HACL1: variants seen among roughly 807,000 people sequenced by gnomAD.
HACL1 encodes 1600020H07Rik.
A neutral mutation model predicts 74.2 loss-of-function variants in HACL1; 64 were observed. That is an observed-to-expected ratio of 0.86 (90% CI 0.70 to 1.06). The LOEUF is 1.06. Among genes scored for constraint, HACL1 ranks in the 50% least tolerant of loss-of-function variants. The pLI, the probability that HACL1 is intolerant of heterozygous loss-of-function variation, is 0.00. For synonymous variants in HACL1, 230 were observed against 238.8 expected (o/e 0.96, Z 0.34); for missense variants, 728 against 719.7 (o/e 1.01, Z -0.13).
intron 14 of HACL1, among the ~76,000 whole-genome samples, chr3:15,565,024 G>T (rs533789036): frequency 6.6e-6 from 1 of 152,202 alleles, no homozygotes; most frequent in South Asian, 2.1e-4. Context: ...AATTAGCTGT[G>T]CATGGTGGCA....
intron 11 of HACL1, among the ~76,000 whole-genome samples, chr3:15,572,303 T>C (rs1234267526): frequency 6.6e-6 from 1 of 152,160 alleles, no homozygotes. Flanking sequence ...GTTTGGTCAG[T>C]GTGGGTGTCT....
At position 15,573,170 on chromosome 3, in the gene HACL1, C is replaced by T. The variant is rs771481295; in HGVS notation, c.982G>A (p.Val328Ile). Reference protein sequence around the residue: ...AVTLLGNIHAVTKQLLEELDK... With the variant: ...AVTLLGNIHAITKQLLEELDK... ...ACAAAAGTTCTCACCTGCTTAGTGA[C>T]AGCATGTATGTTTCCTAGCAAAGTA... is the stretch of plus-strand genomic sequence containing the variant. Residue 328 changes from valine to isoleucine, a missense_variant, in exon 11 of 17, where the codon GTC becomes ATC. By Grantham distance (29) the Val-to-Ile change is conservative. Coordinates refer to ENST00000321169, the MANE Select transcript of HACL1 (RefSeq NM_012260.4). The T allele has an allele frequency of 2.5e-6, 4 of 1,593,344 alleles. No individual in the cohort carries two copies. The African/African-American group carries it at 4.0e-5, about 16-fold the overall frequency.
At chr3:15,584,156 A>G (rs1420439734) in intron 7 of HACL1, among the ~76,000 whole-genome samples, 1 of 152,224 alleles carries the variant, frequency 6.6e-6, no homozygotes, top group Non-Finnish European at 1.5e-5. Flanking sequence ...AAAAAGGACA[A>G]TCTGTATAAA....
chr3:15,595,393 T>C (rs2064037813), intron 3 of HACL1, among the ~76,000 whole-genome samples: 1 of 152,150 alleles, frequency 6.6e-6, no homozygotes, highest in African/African-American at 2.4e-5. Context: ...AGAATCTTAT[T>C]AGTTTGCATT....
In HACL1 at chr3:15,560,738, G is replaced by A; in HGVS notation, c.*127C>T. 8.3e-6 allele frequency: 6 copies of A among 720,352 alleles called. No individual in the cohort carries two copies. Among genetic ancestry groups the A allele is most frequent in the South Asian group, 8.2e-5 (5 of 60,950 alleles). 44.6% of individuals were successfully genotyped at this position (720,352 alleles called of 1,614,324 possible). On this transcript the variant is annotated 3_prime_UTR_variant, in exon 17 of 17. Transcript: ENST00000321169. ...TCTGTTTTTAATCAATTCCTTTACT[G>A]TAAAATGTCATTTTAAATGTTTATT... is the stretch of plus-strand genomic sequence containing the variant.
intron 9 of HACL1, among the ~76,000 whole-genome samples, chr3:15,578,990 A>C (rs2063675581): frequency 6.6e-6 from 1 of 152,236 alleles, no homozygotes; most frequent in Non-Finnish European, 1.5e-5. Flanking sequence ...CCTGAGCTGG[A>C]CATGTGCAGA....
intron 16 of HACL1, 109 bp downstream of exon 16, chr3:15,563,249 A>G (rs2063375130): frequency 1.4e-6 from 1 of 712,086 alleles, no homozygotes; most frequent in South Asian, 1.9e-5. Context: ...GAAATGGTTT[A>G]GAAAGACCTC....
At chr3:15,588,331 CGCCT>C (rs2063827724) in intron 5 of HACL1, among the ~76,000 whole-genome samples, 1 of 152,120 alleles carries the variant, frequency 6.6e-6, no homozygotes, top group South Asian at 2.1e-4. Context: ...TGGTGGCTCA[CGCCT>C]GTAATCCCAG....
chr3:15,593,782 G>GTTTTTTTTT, intron 3 of HACL1, among the ~76,000 whole-genome samples: 1 of 123,736 alleles, frequency 8.1e-6, no homozygotes, highest in Admixed American at 8.0e-5. Context: ...AATGTTTTGT[G>GTTTTTTTTT]TTTTTTTTTT....
At chr3:15,593,520 A>C (rs893116253) in intron 3 of HACL1, among the ~76,000 whole-genome samples, 3 of 151,706 alleles carry the variant, frequency 2.0e-5, no homozygotes, top group South Asian at 2.1e-4. Flanking sequence ...TGCCTGGCCC[A>C]AAAAAAGAAA....
chr3:15,574,881 T>A (rs2063595681), intron 10 of HACL1, 96 bp downstream of exon 10: 3 of 546,638 alleles, frequency 5.5e-6, no homozygotes, highest in Non-Finnish European at 1.0e-5. Flanking sequence ...ACAGTTTTTT[T>A]AATAGTAATC....
chr3:15,586,484 A>G, intron 6 of HACL1, 41 bp downstream of exon 6: 1 of 1,071,106 alleles, frequency 9.3e-7, no homozygotes, highest in Non-Finnish European at 1.4e-6. Flanking sequence ...GCAACTGAGA[A>G]AAATCAGTTG....
chr3:15,591,256 A>C (rs1307270423), intron 4 of HACL1, among the ~76,000 whole-genome samples: 14 of 152,116 alleles, frequency 9.2e-5, no homozygotes, highest in Admixed American at 9.2e-4. Context: ...TTTTTTTCCT[A>C]AGATATTGTA....
intron 7 of HACL1, 35 bp downstream of exon 7, chr3:15,585,213 A>G: frequency 9.9e-7 from 1 of 1,011,964 alleles, no homozygotes; most frequent in Non-Finnish European, 1.6e-6. Context: ...ATACATGTAC[A>G]TTGAAGAAAG....
intron 7 of HACL1, among the ~76,000 whole-genome samples, chr3:15,584,486 G>A (rs888188913): frequency 6.6e-6 from 1 of 152,158 alleles, no homozygotes; most frequent in African/African-American, 2.4e-5. Flanking sequence ...TACTTGGGAG[G>A]CTGAGGCAGG....
intron 12 of HACL1, among the ~76,000 whole-genome samples, chr3:15,570,309 C>T (rs973275801): frequency 7.3e-5 from 11 of 151,034 alleles, no homozygotes; most frequent in African/African-American, 2.4e-4. Context: ...CACTCCAGCC[C>T]TCTAGCCTGG....
Position 15,580,656 on chromosome 3 carries a change from C to A in HACL1, c.668-611G>T, listed in dbSNP as rs142068061. Among the ~76,000 whole-genome samples, 752 of 152,290 alleles carry A rather than the reference C, an allele frequency of 4.9e-3. 5 individuals carry two copies. Among genetic ancestry groups the A allele is most frequent in the African/African-American group, 0.016 (678 of 41,562 alleles). ...TCCTACTAAACTACACTCTACAAGT[C>A]CCTGAACACACTATCTTCATTGAGA... On this transcript the variant is annotated intron_variant, in intron 8 of 16. Coordinates refer to ENST00000321169, the MANE Select transcript of HACL1 (RefSeq NM_012260.4).
At chr3:15,581,988 A>C (rs1574928378) in intron 8 of HACL1, among the ~76,000 whole-genome samples, 1 of 152,230 alleles carries the variant, frequency 6.6e-6, no homozygotes, top group East Asian at 1.9e-4. Context: ...TCTGAGACTC[A>C]AAGCAGTTGT....
chr3:15,589,397 T>A (rs983672553), intron 5 of HACL1, 143 bp downstream of exon 5: 3 of 541,814 alleles, frequency 5.5e-6, no homozygotes, highest in Non-Finnish European at 3.4e-6. Flanking sequence ...CTTGGGAGGC[T>A]GAGGTGGGAA....
Sources: allele counts gnomAD v4.1 joint callset (sites outside exome capture counted in the v4.1 genomes callset), GRCh38; gene constraint gnomAD v4.1.1; transcripts MANE v1.5; gene names NCBI Gene and HGNC (gene_info 2026-07-23, HGNC 2026-07-21).